LRRC4C: variants seen among roughly 807,000 people sequenced by gnomAD.
LRRC4C encodes the protein leucine rich repeat containing 4C.
In LRRC4C, 5 loss-of-function variants were observed where a neutral mutation model predicts 33.6. The ratio of observed to expected loss-of-function variants is 0.15; its 90% CI spans 0.08 to 0.31. The LOEUF (loss-of-function observed/expected upper bound fraction) is 0.31. Ranked by LOEUF, LRRC4C falls within the 10% of genes least tolerant of loss-of-function variation. LRRC4C has a pLI of 1.00. For missense variants in LRRC4C, 560 were observed against 796.7 expected (o/e 0.70, Z 3.58); for synonymous variants, 329 against 302.0 (o/e 1.09, Z -0.93).
intron 3 of LRRC4C, among the ~76,000 whole-genome samples, chr11:40,427,301 T>C (rs7950905): frequency 0.45 from 68,548 of 150,906 alleles, 15,884 homozygotes; most frequent in East Asian, 0.56. Flanking sequence ...GTCAGGGGTT[T>C]GAGACTAGCC....
At chr11:41,300,759 T>C (rs1419927983) in intron 1 of LRRC4C, among the ~76,000 whole-genome samples, 1 of 152,180 alleles carries the variant, frequency 6.6e-6, no homozygotes, top group East Asian at 1.9e-4. Context: ...GAGTCAGCAA[T>C]CATGTATCTA....
At chr11:40,712,919 C>T (rs934468446) in intron 2 of LRRC4C, among the ~76,000 whole-genome samples, 3 of 151,456 alleles carry the variant, frequency 2.0e-5, no homozygotes, top group Non-Finnish European at 4.4e-5. Context: ...GATGGAGTCT[C>T]ACTCTGTTGC....
rs546849325 is a variant in LRRC4C, at chr11:40,328,545, G to T, written c.-269-8824C>A. Among the ~76,000 whole-genome samples, 11 of 152,078 alleles carry T rather than the reference G, an allele frequency of 7.2e-5. No individual in the cohort carries two copies. In the South Asian group the frequency reaches 2.3e-3, roughly 32 times the overall value. On this transcript the variant is annotated intron_variant, in intron 3 of 6. Coordinates refer to ENST00000528697, the MANE Select transcript of LRRC4C (RefSeq NM_001258419.2). ...AATCCACGTCATCATACTCTTTCTG[G>T]GACTTCTCTAAGGCAGACAAGAATA...
At chr11:40,531,730 G>A (rs1248552782) in intron 3 of LRRC4C, among the ~76,000 whole-genome samples, 1 of 151,922 alleles carries the variant, frequency 6.6e-6, no homozygotes, top group Non-Finnish European at 1.5e-5. Flanking sequence ...ATGAAACAAT[G>A]AGAGAGGAGG....
chr11:41,151,603 C>T (rs1944002206), intron 1 of LRRC4C, among the ~76,000 whole-genome samples: 1 of 152,110 alleles, frequency 6.6e-6, no homozygotes, highest in South Asian at 2.1e-4. Context: ...GGAAATCAAT[C>T]AATTTGTAAA....
intron 1 of LRRC4C, among the ~76,000 whole-genome samples, chr11:41,291,827 A>G (rs530207176): frequency 1.3e-5 from 2 of 152,192 alleles, no homozygotes; most frequent in Non-Finnish European, 2.9e-5. Flanking sequence ...ATAATTTATA[A>G]TATCTGTGTG....
At chr11:41,204,503 G>A (rs1946520886) in intron 1 of LRRC4C, among the ~76,000 whole-genome samples, 1 of 151,448 alleles carries the variant, frequency 6.6e-6, no homozygotes, top group Non-Finnish European at 1.5e-5. Flanking sequence ...GACTTAGATA[G>A]AGACACTGCT....
intron 1 of LRRC4C, among the ~76,000 whole-genome samples, chr11:41,043,079 T>C (rs1329024534): frequency 6.8e-6 from 1 of 147,184 alleles, no homozygotes; most frequent in African/African-American, 2.5e-5. Flanking sequence ...TTTTTTTTTT[T>C]TTTTTTTTTT....
At chr11:40,541,919 A>T (rs1228145653) in intron 3 of LRRC4C, among the ~76,000 whole-genome samples, 10 of 152,020 alleles carry the variant, frequency 6.6e-5, no homozygotes, top group African/African-American at 2.2e-4. Context: ...CAAAAACCTA[A>T]ATCTTCTGCC....
chr11:40,459,221 T>C (rs1399499021), intron 3 of LRRC4C, among the ~76,000 whole-genome samples: 1 of 152,214 alleles, frequency 6.6e-6, no homozygotes, highest in Non-Finnish European at 1.5e-5. Flanking sequence ...TAACTTCCTG[T>C]TACTATTGAG....
chr11:40,619,990 G>A (rs1199117506), intron 3 of LRRC4C, among the ~76,000 whole-genome samples: 2 of 145,500 alleles, frequency 1.4e-5, no homozygotes, highest in Non-Finnish European at 3.0e-5. Context: ...GCCAACAAAT[G>A]CAAAAGTTCA....
intron 2 of LRRC4C, among the ~76,000 whole-genome samples, chr11:40,838,038 T>C (rs938146086): frequency 5.3e-5 from 8 of 152,084 alleles, no homozygotes; most frequent in Non-Finnish European, 7.4e-5. Context: ...ATCCCAAACA[T>C]TGGCTGCTTT....
chr11:40,766,353 T>TAAA (rs60152534), intron 2 of LRRC4C, among the ~76,000 whole-genome samples: 612 of 33,894 alleles, frequency 0.018, 60 homozygotes, highest in East Asian at 0.029. Flanking sequence ...TTCAGTCTGT[T>TAAA]AAAAAAAAAA....
At chr11:40,413,417 C>T (rs573612856) in intron 3 of LRRC4C, among the ~76,000 whole-genome samples, 96 of 152,214 alleles carry the variant, frequency 6.3e-4, no homozygotes, top group Middle Eastern at 3.4e-3. Flanking sequence ...GCTTAACATT[C>T]TCATTTTCCC....
intron 1 of LRRC4C, among the ~76,000 whole-genome samples, chr11:41,104,236 A>G (rs1179226626): frequency 6.6e-6 from 1 of 151,922 alleles, no homozygotes; most frequent in Non-Finnish European, 1.5e-5. Context: ...AACGTAAATA[A>G]CCATTACAAC....
intron 3 of LRRC4C, among the ~76,000 whole-genome samples, chr11:40,399,355 T>A (rs953727395): frequency 1.3e-5 from 2 of 151,900 alleles, no homozygotes; most frequent in African/African-American, 2.4e-5. Flanking sequence ...ATGCAGCCAT[T>A]AAAAATGATG....
intron 5 of LRRC4C, among the ~76,000 whole-genome samples, chr11:40,214,868 A>G (rs1179624451): frequency 6.6e-6 from 1 of 152,160 alleles, no homozygotes; most frequent in Non-Finnish European, 1.5e-5. Context: ...ATGTCTAGTC[A>G]TTGTGTCCAA....
At chr11:40,187,331 T>C (rs1240932275) in intron 5 of LRRC4C, among the ~76,000 whole-genome samples, 1 of 151,622 alleles carries the variant, frequency 6.6e-6, no homozygotes, top group Non-Finnish European at 1.5e-5. Flanking sequence ...TTCTTTCTTT[T>C]TTTTTTTTTT....
intron 2 of LRRC4C, among the ~76,000 whole-genome samples, chr11:40,757,798 C>T (rs1223839044): frequency 6.6e-6 from 1 of 151,826 alleles, no homozygotes; most frequent in Non-Finnish European, 1.5e-5. Context: ...TTTTTCCTGT[C>T]CCAAAGGGTA....
Sources: gnomAD v4.1 joint callset for allele counts (sites outside exome capture counted in the v4.1 genomes callset) on GRCh38, gnomAD v4.1.1 for gene constraint, MANE v1.5 for transcripts, NCBI Gene and HGNC (gene_info 2026-07-23, HGNC 2026-07-21) for gene names.